The following CSNK2A2 variants were observed in gnomAD, a reference collection of about 807,000 sequenced individuals.
The protein encoded by CSNK2A2 is casein kinase 2 alpha 2.
In CSNK2A2, 8 loss-of-function variants were observed where a neutral mutation model predicts 54.0. That is an observed-to-expected ratio of 0.15 (90% CI 0.09 to 0.27). The LOEUF is 0.27. CSNK2A2 is among the 10% of genes least tolerant of loss of function. The probability of loss-of-function intolerance (pLI) is 1.00; values close to 1 mark genes in which losing one functional copy is unlikely to be tolerated. For synonymous variants in CSNK2A2, 141 were observed against 153.9 expected, an observed-to-expected ratio of 0.92 and a Z score of 0.62; for missense variants, 242 against 439.4, an observed-to-expected ratio of 0.55 and a Z score of 4.02.
chr16:58,187,121 A>G (rs1186737665), intron 2 of CSNK2A2, among the ~76,000 whole-genome samples: 2 of 151,500 alleles, frequency 1.3e-5, no homozygotes, highest in African/African-American at 4.9e-5. Flanking sequence ...AAAAATTTTG[A>G]ATACCCATAT....
rs1469439119 is a variant in CSNK2A2, at chr16:58,197,991, G to T, written c.-255C>A. The T allele has an allele frequency of 1.4e-5, 2 of 144,788 alleles. No individual in the cohort carries two copies. Among genetic ancestry groups the T allele is most frequent in the Non-Finnish European group, 3.1e-5 (2 of 64,914 alleles). 9.0% of individuals were successfully genotyped at this position (144,788 alleles called of 1,614,324 possible). A position where few individuals can be genotyped will look rare whatever the true frequency, so the allele number is the denominator to read the frequency against. Reference sequence around the variant, plus strand: ...GCGGGGCGGGCGGCGCTCGCGCTCCGCGGCGGTCTCCGCTCGGCTCGCGGC... The same window carrying T: ...GCGGGGCGGGCGGCGCTCGCGCTCCTCGGCGGTCTCCGCTCGGCTCGCGGC... On this transcript the variant is annotated 5_prime_UTR_variant, in exon 1 of 12. Transcript: ENST00000262506. The surrounding 1 kb of genome is among the most constrained non-coding windows in gnomAD (Gnocchi z 4.0).
At position 58,168,664 on chromosome 16, in the gene CSNK2A2, G is replaced by A. The variant is rs771211913; in HGVS notation, c.459C>T (p.Ile153=). 6.2e-7 allele frequency: 1 copy of A among 1,613,970 alleles called. No homozygotes were observed. The highest frequency in any genetic ancestry group is 2.2e-5 in the East Asian group (1 of 44,866). The change falls in exon 6 of 12, where the codon ATC becomes ATT. Residue 153 remains isoleucine, a synonymous_variant. Coordinates refer to ENST00000262506, the MANE Select transcript of CSNK2A2 (RefSeq NM_001896.4). ...TGTGAGGTTTCACATCCCTGTGCAT[G>A]ATTCCCTTGCTGTGGCAGTAATCCA... The part of the protein sequence containing the change: ...KALDYCHSKG[I]MHRDVKPHNV...
At chr16:58,166,721 C>A (rs1961572652) in intron 8 of CSNK2A2, 37 bp from the exon 9 acceptor site, 1 of 1,419,218 alleles carries the variant, frequency 7.0e-7, no homozygotes, top group Non-Finnish European at 1.0e-6. Context: ...TCACTGAGCA[C>A]AGAACACACC....
intron 11 of CSNK2A2, chr16:58,162,071 A>T: frequency 6.6e-6 from 1 of 151,930 alleles, no homozygotes; most frequent in African/African-American, 2.4e-5. Context: ...CCTGGTCCAG[A>T]CAGGCAACTT....
chr16:58,186,503 G>C (rs1272449026), intron 3 of CSNK2A2, among the ~76,000 whole-genome samples: 1 of 152,198 alleles, frequency 6.6e-6, no homozygotes, highest in Non-Finnish European at 1.5e-5. Context: ...ACATTTGTGG[G>C]CTGAATCAAA....
chr16:58,193,867 T>C (rs922186371), intron 2 of CSNK2A2, among the ~76,000 whole-genome samples: 3 of 152,218 alleles, frequency 2.0e-5, no homozygotes, highest in African/African-American at 7.2e-5. Context: ...TCTCTATTGA[T>C]TGGAAAGTTT....
At position 58,165,468 on chromosome 16, in the gene CSNK2A2, C is replaced by G. The variant is rs529343628; in HGVS notation, c.976+92G>C. 43 of 1,337,194 alleles carry G rather than the reference C, an allele frequency of 3.2e-5. 1 individual carries two copies. The East Asian group carries it at 1.1e-3, about 33-fold the overall frequency. The allele number at this position is 1,337,194 out of a possible 1,614,324, so 82.8% of individuals were successfully genotyped here. A position where few individuals can be genotyped will look rare whatever the true frequency, so the allele number is the denominator to read the frequency against. On this transcript the variant is annotated intron_variant, in intron 10 of 11. Coordinates refer to ENST00000262506, the MANE Select transcript of CSNK2A2 (RefSeq NM_001896.4). ...CTAGGAATAATCCAATCCAAATACC[C>G]TAGAATTCTCCTGACTGGTCTCAAA...
chr16:58,167,428 T>A (rs907948370), intron 7 of CSNK2A2, 120 bp from the exon 8 acceptor site: 7 of 700,462 alleles, frequency 1.0e-5, no homozygotes, highest in East Asian at 5.6e-5. Flanking sequence ...ATAATTTATT[T>A]AAAAAAAATT....
chr16:58,183,468 GTT>G (rs1465680841), intron 4 of CSNK2A2, among the ~76,000 whole-genome samples: 1 of 151,784 alleles, frequency 6.6e-6, no homozygotes, highest in Admixed American at 6.6e-5. Context: ...TGCTGATTTA[GTT>G]TTGTCTCTAG....
At position 58,176,190 on chromosome 16, in the gene CSNK2A2, A is replaced by C. The variant is rs138762965; in HGVS notation, c.370-1680T>G. 4.0e-3 allele frequency among the ~76,000 whole-genome samples: 615 copies of C among 152,318 alleles called. 6 individuals are homozygous for C. Among genetic ancestry groups the C allele is most frequent in the African/African-American group, 0.014 (584 of 41,564 alleles). On this transcript the variant is annotated intron_variant, in intron 4 of 11. Transcript: ENST00000262506. ...ATACGCTATGAAAGAGAAAAGATCT[A>C]ATTTTCTAACCCTTAGAGGGCTGGA...
intron 3 of CSNK2A2, 88 bp downstream of exon 3, chr16:58,186,667 T>A: frequency 1.1e-6 from 1 of 879,208 alleles, no homozygotes; most frequent in Non-Finnish European, 1.8e-6. Flanking sequence ...ATCCCCACTG[T>A]ATCATTACGT....
At chr16:58,183,596 T>C (rs1407032521) in intron 4 of CSNK2A2, among the ~76,000 whole-genome samples, 2 of 152,148 alleles carry the variant, frequency 1.3e-5, no homozygotes, top group African/African-American at 4.8e-5. Flanking sequence ...TATTGGTTTT[T>C]AAATTACGTT....
At chr16:58,172,658 C>T (rs1026877853) in intron 5 of CSNK2A2, among the ~76,000 whole-genome samples, 1 of 152,204 alleles carries the variant, frequency 6.6e-6, no homozygotes, top group Non-Finnish European at 1.5e-5. Context: ...GTAATTAATT[C>T]TTTTGCCAAG....
At chr16:58,174,754 G>T (rs531970868) in intron 4 of CSNK2A2, among the ~76,000 whole-genome samples, 9 of 152,094 alleles carry the variant, frequency 5.9e-5, no homozygotes, top group Non-Finnish European at 8.8e-5. Context: ...AGCCAACTCA[G>T]ATCTTTCCTA....
At chr16:58,170,507 G>A (rs1356938725) in intron 5 of CSNK2A2, among the ~76,000 whole-genome samples, 1 of 152,062 alleles carries the variant, frequency 6.6e-6, no homozygotes, top group Admixed American at 6.6e-5. Flanking sequence ...AGGGGTGGAA[G>A]TGCTGGGTTG....
chr16:58,191,898 G>A (rs1405741255), intron 2 of CSNK2A2, among the ~76,000 whole-genome samples: 1 of 152,108 alleles, frequency 6.6e-6, no homozygotes, highest in Non-Finnish European at 1.5e-5. Context: ...AGTTTTACTT[G>A]AGGAAGGACA....
rs372144860 is a variant in CSNK2A2, at chr16:58,193,972, G to T, written c.216+2761C>A. On this transcript the variant is annotated intron_variant, in intron 2 of 11. Coordinates refer to ENST00000262506, the MANE Select transcript of CSNK2A2 (RefSeq NM_001896.4). ...TAAAACTTTTTAGCAGCTCATTTTT[G>T]ATCAATACCTGGAAATCCACTAATG... Among the ~76,000 whole-genome samples, 5 of 152,230 alleles carry T rather than the reference G, an allele frequency of 3.3e-5. No homozygotes were observed. The East Asian group carries it at 9.6e-4, about 29-fold the overall frequency.
In CSNK2A2 at chr16:58,198,098, G is replaced by A. The variant is rs1016592486; in HGVS notation, c.-362C>T. Among the ~76,000 whole-genome samples, 4 of 146,752 alleles carry A rather than the reference G, an allele frequency of 2.7e-5. No individual in the cohort carries two copies. The highest frequency in any genetic ancestry group is 7.3e-5 in the African/African-American group (3 of 40,880). ...CAGCGGCGGCGGCAGCGGAGAAGAA[G>A]GAGGAGAGGAGGAGGAGGCGGAGGA... is the stretch of plus-strand genomic sequence containing the variant. On this transcript the variant is annotated 5_prime_UTR_variant, in exon 1 of 12. Coordinates refer to ENST00000262506, the MANE Select transcript of CSNK2A2 (RefSeq NM_001896.4).
intron 2 of CSNK2A2, among the ~76,000 whole-genome samples, chr16:58,189,318 A>T (rs558336998): frequency 6.6e-6 from 1 of 152,286 alleles, no homozygotes; most frequent in South Asian, 2.1e-4. Flanking sequence ...ATGCCTTTCG[A>T]TATAAGAAAA....
Sources: gnomAD v4.1 joint callset for allele counts (sites outside exome capture counted in the v4.1 genomes callset) on GRCh38, gnomAD v4.1.1 for gene constraint, Gnocchi (gnomAD v3.1) non-coding constraint, MANE v1.5 for transcripts, NCBI Gene and HGNC (gene_info 2026-07-23, HGNC 2026-07-21) for gene names.